The following ARHGAP6 variants were observed in gnomAD, a reference collection of about 807,000 sequenced individuals.
The protein encoded by ARHGAP6 is rho GTPase-activating protein 6.
Under a neutral mutation model 55.7 loss-of-function variants are expected in ARHGAP6, and 16 were observed. The observed-to-expected ratio is 0.29, with a 90% CI of 0.19 to 0.44. The LOEUF is 0.44. Ranked by LOEUF, ARHGAP6 falls within the 20% of genes least tolerant of loss-of-function variation. The pLI, the probability that ARHGAP6 is intolerant of heterozygous loss-of-function variation, is 1.00. For missense variants in ARHGAP6, 698 were observed against 808.9 expected, an observed-to-expected ratio of 0.86 and a Z score of 1.66; for synonymous variants, 382 against 360.9, an observed-to-expected ratio of 1.06 and a Z score of -0.66.
chrX:11,200,985 G>C (rs941169815), intron 2 of ARHGAP6, among the ~76,000 whole-genome samples: 9 of 111,961 alleles, frequency 8.0e-5, no homozygotes, highest in African/African-American at 2.6e-4. Context: ...GGACTCTTCC[G>C]GGGTGCTGAG....
chrX:11,512,315 A>G (rs984998137), intron 1 of ARHGAP6, among the ~76,000 whole-genome samples: 4 of 111,617 alleles, frequency 3.6e-5, no homozygotes, highest in African/African-American at 6.5e-5. Context: ...TATTTTAGAA[A>G]TCTCATTAAT....
chrX:11,599,322 T>G (rs1401412612), intron 1 of ARHGAP6, among the ~76,000 whole-genome samples: 1 of 111,759 alleles, frequency 8.9e-6, no homozygotes, highest in East Asian at 2.8e-4. Flanking sequence ...TTTTTTAAAT[T>G]TATAATTGCT....
chrX:11,603,810 CTGATT>C (rs1413674440), intron 1 of ARHGAP6, among the ~76,000 whole-genome samples: 2 of 111,872 alleles, frequency 1.8e-5, no homozygotes, highest in Non-Finnish European at 3.8e-5. Context: ...CATAACATCT[CTGATT>C]TAACAAGATA....
At chrX:11,427,605 G>C (rs906779160) in intron 1 of ARHGAP6, 2 of 888,744 alleles carry the variant, frequency 2.3e-6, no homozygotes, top group South Asian at 2.6e-5. Context: ...TGTCGCCTCC[G>C]GGAGGAGTGG....
intron 1 of ARHGAP6, among the ~76,000 whole-genome samples, chrX:11,499,424 A>G (rs1249148379): frequency 2.7e-5 from 3 of 111,700 alleles, no homozygotes; most frequent in African/African-American, 9.8e-5. Context: ...ACACTGTAGG[A>G]CTTTTTTTCT....
At chrX:11,619,817 T>A (rs1373068025) in intron 1 of ARHGAP6, among the ~76,000 whole-genome samples, 1 of 111,675 alleles carries the variant, frequency 9.0e-6, no homozygotes, top group Admixed American at 9.5e-5. Flanking sequence ...CTGGAATTGA[T>A]TTAACTAACT....
chrX:11,155,294 ATTTG>A (rs1461324454), intron 10 of ARHGAP6, among the ~76,000 whole-genome samples: 2 of 111,396 alleles, frequency 1.8e-5, no homozygotes, highest in Non-Finnish European at 3.8e-5. Flanking sequence ...TATTTTATTT[ATTTG>A]TTTATTTATT....
At chrX:11,223,433 A>C (rs777856022) in intron 2 of ARHGAP6, among the ~76,000 whole-genome samples, 4 of 111,679 alleles carry the variant, frequency 3.6e-5, no homozygotes, top group Non-Finnish European at 3.8e-5. Context: ...TTTATAACCT[A>C]AGTTTAACAG....
At chrX:11,178,389 G>T in intron 7 of ARHGAP6, 141 bp from the exon 8 acceptor site, 1 of 717,906 alleles carries the variant, frequency 1.4e-6, no homozygotes, top group Non-Finnish European at 1.9e-6. Flanking sequence ...TTTGCCCATT[G>T]CTTTAGCAAT....
At chrX:11,245,399 G>C (rs1371802488) in intron 2 of ARHGAP6, among the ~76,000 whole-genome samples, 1 of 111,619 alleles carries the variant, frequency 9.0e-6, no homozygotes, top group Non-Finnish European at 1.9e-5. Flanking sequence ...TTTGGCTCTA[G>C]AGAGAGAAGG....
intron 1 of ARHGAP6, among the ~76,000 whole-genome samples, chrX:11,619,178 C>A (rs2147162244): frequency 1.8e-5 from 2 of 112,119 alleles, no homozygotes; most frequent in South Asian, 3.7e-4. Flanking sequence ...TTATGGCTAG[C>A]TACCAAAATT....
At chrX:11,388,555 T>C (rs2049361034) in intron 1 of ARHGAP6, among the ~76,000 whole-genome samples, 1 of 112,058 alleles carries the variant, frequency 8.9e-6, no homozygotes, top group Non-Finnish European at 1.9e-5. Flanking sequence ...GCTCTTTAGT[T>C]TAATTAGATC....
At chrX:11,274,490 G>A (rs1483775132) in intron 1 of ARHGAP6, among the ~76,000 whole-genome samples, 3 of 111,600 alleles carry the variant, frequency 2.7e-5, no homozygotes, top group Non-Finnish European at 5.7e-5. Flanking sequence ...GAAAAAGTTT[G>A]CCGACCCCAG....
intron 8 of ARHGAP6, 103 bp from the exon 9 acceptor site, chrX:11,169,787 A>C: frequency 1.6e-6 from 1 of 621,186 alleles, no homozygotes; most frequent in Non-Finnish European, 2.3e-6. Context: ...TTTTTTTTTA[A>C]TCCTGCAAGG....
At position 11,592,823 on chromosome X, in the gene ARHGAP6, TTGG is replaced by T. The variant is rs201683665; in HGVS notation, c.588+71415_588+71417del. On this transcript the variant is annotated intron_variant, in intron 1 of 12. Transcript: ENST00000337414. ...TTGTTTGTTAGCTCAGAGGAACCTGTTGGTGGTAGGGGCTGCATTTGGGAAAAG... is the reference window on the plus strand; with the variant it reads ...TTGTTTGTTAGCTCAGAGGAACCTGTTGGTAGGGGCTGCATTTGGGAAAAG... Among the ~76,000 whole-genome samples, 77 of 111,255 alleles carry T rather than the reference TTGG, an allele frequency of 6.9e-4. 1 individual carries two copies. In the East Asian group the frequency reaches 0.021, roughly 31 times the overall value.
At chrX:11,569,834 G>C (rs1011104274) in intron 1 of ARHGAP6, among the ~76,000 whole-genome samples, 1 of 112,016 alleles carries the variant, frequency 8.9e-6, no homozygotes, top group Non-Finnish European at 1.9e-5. Flanking sequence ...GGACTCAACA[G>C]GCATTTCTGT....
At chrX:11,590,802 A>G (rs1178977092) in intron 1 of ARHGAP6, among the ~76,000 whole-genome samples, 1 of 40,926 alleles carries the variant, frequency 2.4e-5, no homozygotes, top group Non-Finnish European at 3.8e-5. Flanking sequence ...AAAAGAAAAG[A>G]AAAGAAAAGA....
chrX:11,181,949 G>A, intron 6 of ARHGAP6, 114 bp downstream of exon 6: 1 of 506,061 alleles, frequency 2.0e-6, no homozygotes, highest in South Asian at 2.8e-5. Flanking sequence ...AGCTTGGAGG[G>A]TAAAAAAAAA....
intron 1 of ARHGAP6, among the ~76,000 whole-genome samples, chrX:11,646,241 AC>A (rs2052525448): frequency 1.8e-5 from 2 of 111,467 alleles, no homozygotes; most frequent in Admixed American, 9.5e-5. Flanking sequence ...TCCATGTAAT[AC>A]CCATGGGTAT....
Sources: allele counts gnomAD v4.1 joint callset (sites outside exome capture counted in the v4.1 genomes callset), GRCh38; gene constraint gnomAD v4.1.1; transcripts MANE v1.5; gene names NCBI Gene and HGNC (gene_info 2026-07-23, HGNC 2026-07-21).